Variants in ADGRB1 observed in about 807,000 individuals in gnomAD.
ADGRB1 encodes brain-specific angiogenesis inhibitor 1.
ADGRB1 carries 36 observed loss-of-function variants against 175.7 expected under a neutral mutation model. The ratio of observed to expected loss-of-function variants is 0.20; its 90% confidence interval spans 0.16 to 0.27. ADGRB1 has a LOEUF of 0.27. Ranked by LOEUF, ADGRB1 falls within the 10% of genes least tolerant of loss-of-function variation. The pLI is 1.00. For missense variants in ADGRB1, 1,731 were observed against 2,255.3 expected, an observed-to-expected ratio of 0.77 and a Z score of 4.71; for synonymous variants, 1,054 against 979.4, an observed-to-expected ratio of 1.08 and a Z score of -1.42.
intron 19 of ADGRB1, among the ~76,000 whole-genome samples, chr8:142,519,705 TTGGTGGTGC>T (rs1843657514): frequency 1.4e-5 from 2 of 138,176 alleles, no homozygotes; most frequent in East Asian, 2.2e-4. Flanking sequence ...TGTGATGGTG[TTGGTGGTGC>T]TGGTGCTGGT....
Position 142,486,898 on chromosome 8 carries a change from T to C in ADGRB1, c.2309-1466T>C, listed in dbSNP as rs565258840. Reference sequence around the variant, plus strand: ...TTAGCCAGGCATGGTGGTGCACCTTTAGTCCCTGCTACTAGGGAGGCTGAG... The same window carrying C: ...TTAGCCAGGCATGGTGGTGCACCTTCAGTCCCTGCTACTAGGGAGGCTGAG... On this transcript the variant is annotated intron_variant, in intron 13 of 30. Transcript: ENST00000517894. Among the ~76,000 whole-genome samples the C allele has an allele frequency of 2.0e-5, 3 of 152,234 alleles. No homozygotes were observed. In the South Asian group the frequency reaches 6.2e-4, roughly 32 times the overall value.
In ADGRB1 at chr8:142,510,856, C is replaced by T. The variant is rs1843062072; in HGVS notation, c.2676-76C>T. The T allele has an allele frequency of 1.2e-6, 1 of 834,484 alleles. No individual in the cohort carries two copies. The highest frequency in any genetic ancestry group is 1.4e-6 in the Non-Finnish European group (1 of 692,098). 51.7% of individuals were successfully genotyped at this position (834,484 alleles called of 1,614,324 possible). Reference sequence around the variant, plus strand: ...GGGGCCGGGGCGCGGAGCCGCCGCTCGGGGGCCGGGGCGCCCGCGTCCCCG... The same window carrying T: ...GGGGCCGGGGCGCGGAGCCGCCGCTTGGGGGCCGGGGCGCCCGCGTCCCCG... On this transcript the variant is annotated intron_variant, in intron 17 of 30. Coordinates refer to ENST00000517894, the MANE Select transcript of ADGRB1 (RefSeq NM_001702.3). This position sits in a 1 kb window ranked among gnomAD's most constrained non-coding sequence, Gnocchi z 6.3.
At chr8:142,517,419 G>A (rs1028449021) in intron 18 of ADGRB1, among the ~76,000 whole-genome samples, 10 of 152,238 alleles carry the variant, frequency 6.6e-5, no homozygotes, top group Admixed American at 3.9e-4. Flanking sequence ...GCCCTCCAGT[G>A]CGCTGATCAC....
In ADGRB1 at chr8:142,543,144, G is replaced by A. The variant is rs571676909; in HGVS notation, c.4414-259G>A. On this transcript the variant is annotated intron_variant, in intron 28 of 30. Coordinates refer to ENST00000517894, the MANE Select transcript of ADGRB1 (RefSeq NM_001702.3). This position sits in a 1 kb window ranked among gnomAD's most constrained non-coding sequence, Gnocchi z 4.4. ...CCCAGCCATGTGGCCCCAAGTTCAG[G>A]TCTCCTTGATCCTGGGGAGTGTGTC... 1.4e-4 allele frequency among the ~76,000 whole-genome samples: 22 copies of A among 152,260 alleles called. No homozygotes were observed. In the South Asian group the frequency reaches 4.6e-3, roughly 32 times the overall value.
At chr8:142,469,078 CCAT>C (rs1312219637) in intron 2 of ADGRB1, among the ~76,000 whole-genome samples, 4 of 152,266 alleles carry the variant, frequency 2.6e-5, no homozygotes, top group African/African-American at 9.6e-5. Context: ...CTTGACGCTG[CCAT>C]CGAGTGGTAA....
rs938923714 is a variant in ADGRB1, at chr8:142,484,079, A to C, written c.2199+34A>C. On this transcript the variant is annotated intron_variant, in intron 12 of 30. Coordinates refer to ENST00000517894, the MANE Select transcript of ADGRB1 (RefSeq NM_001702.3). ...TGGGGCCCCTACGGTCAGCAGCCTC[A>C]GGAGGGGTGCAGGCACAGCTGGTGC... is the stretch of plus-strand genomic sequence containing the variant. 4 of 1,589,734 alleles carry C rather than the reference A, an allele frequency of 2.5e-6. No homozygotes were observed. The African/African-American group carries it at 5.4e-5, about 22-fold the overall frequency.
chr8:142,542,715 T>C lies in ADGRB1; in HGVS notation c.4413+68T>C. The C allele has an allele frequency of 7.2e-7, 1 of 1,382,886 alleles. No individual in the cohort carries two copies. Among genetic ancestry groups the C allele is most frequent in the East Asian group, 2.8e-5 (1 of 36,290 alleles). The allele number at this position is 1,382,886 out of a possible 1,614,324, so 85.7% of individuals were successfully genotyped here. ...AGGGCTGCAGCAGCTGGGTCACCCC[T>C]GCTGGGTGGGACCCCCACGCCGTCA... On this transcript the variant is annotated intron_variant, in intron 28 of 30. Transcript: ENST00000517894. This position sits in a 1 kb window ranked among gnomAD's most constrained non-coding sequence, Gnocchi z 6.3.
chr8:142,495,547 C>T (rs1321225280), intron 17 of ADGRB1, among the ~76,000 whole-genome samples: 1 of 152,136 alleles, frequency 6.6e-6, no homozygotes, highest in Non-Finnish European at 1.5e-5. Context: ...GGCCATGCTC[C>T]TTCCAAAGGC....
chr8:142,488,054 A>T (rs1436379886), intron 13 of ADGRB1, among the ~76,000 whole-genome samples: 1 of 151,868 alleles, frequency 6.6e-6, no homozygotes, highest in Admixed American at 6.6e-5. Flanking sequence ...TCTGCCTTTG[A>T]CCACCTTCTG....
At chr8:142,526,513 C>CCCCCCCCCCCCCA in intron 23 of ADGRB1, 29 bp from the exon 24 acceptor site, 3 of 1,363,506 alleles carry the variant, frequency 2.2e-6, no homozygotes, top group Non-Finnish European at 3.1e-6. Context: ...GCCCCCACCC[C>CCCCCCCCCCCCCA]CACACCCCCA....
chr8:142,469,975 A>T (rs944413707), intron 2 of ADGRB1, among the ~76,000 whole-genome samples: 2 of 152,168 alleles, frequency 1.3e-5, no homozygotes, highest in African/African-American at 4.8e-5. Flanking sequence ...CCATCCGTCC[A>T]TGTCCCTAGC....
In ADGRB1 at chr8:142,539,494, C is replaced by T. The variant is rs1042160412; in HGVS notation, c.3706+81C>T. 1.5e-5 allele frequency: 22 copies of T among 1,502,804 alleles called. No homozygotes were observed. The East Asian group carries it at 3.6e-4, about 25-fold the overall frequency. 93.1% of individuals were successfully genotyped at this position (1,502,804 alleles called of 1,614,324 possible). A position where few individuals can be genotyped will look rare whatever the true frequency, so the allele number is the denominator to read the frequency against. ...CTCCACGCCTCCGCCTGTGCCTCCC[C>T]CACATCACCCATCCCTGTCCACTCC... On this transcript the variant is annotated intron_variant, in intron 27 of 30. Coordinates refer to ENST00000517894, the MANE Select transcript of ADGRB1 (RefSeq NM_001702.3).
chr8:142,508,783 T>G (rs1447881148), intron 17 of ADGRB1, among the ~76,000 whole-genome samples: 1 of 152,242 alleles, frequency 6.6e-6, no homozygotes, highest in African/African-American at 2.4e-5. Context: ...CGTGCCTCTG[T>G]GGCTTCCTTT....
intron 2 of ADGRB1, among the ~76,000 whole-genome samples, chr8:142,466,430 T>G (rs1840279598): frequency 6.6e-6 from 1 of 152,126 alleles, no homozygotes; most frequent in African/African-American, 2.4e-5. Context: ...TGAGTGGGGC[T>G]AGAGAGGGGC....
chr8:142,471,804 T>G (rs546412701), intron 2 of ADGRB1, among the ~76,000 whole-genome samples: 19 of 152,276 alleles, frequency 1.2e-4, no homozygotes, highest in African/African-American at 4.1e-4. Context: ...GCACCTCCAG[T>G]AGGAGCGGCT....
Position 142,464,484 on chromosome 8 carries a change from C to G in ADGRB1, c.286C>G (p.Pro96Ala). The G allele has an allele frequency of 6.3e-7, 1 of 1,582,348 alleles. No individual in the cohort carries two copies. Among genetic ancestry groups the G allele is most frequent in the Non-Finnish European group, 8.6e-7 (1 of 1,168,906 alleles). Reference protein sequence around the residue: ...VAKAPVPCSGPGRVRTYQFDS... With the variant: ...VAKAPVPCSGAGRVRTYQFDS... Reference sequence around the variant, plus strand: ...CAAGGCGCCCGTGCCCTGCAGCGGCCCCGGCCGCGTGCGCACCTACCAGTT... The same window carrying G: ...CAAGGCGCCCGTGCCCTGCAGCGGCGCCGGCCGCGTGCGCACCTACCAGTT... The change falls in exon 2 of 31, where the codon CCC becomes GCC. Residue 96 changes from proline to alanine, a missense_variant. Around this residue, in one of 8 missense-constraint regions of ADGRB1, gnomAD observed 383 missense variants for 383.1 expected, o/e 1.00. Coordinates refer to ENST00000517894, the MANE Select transcript of ADGRB1 (RefSeq NM_001702.3).
At chr8:142,470,055 G>GC (rs995518993) in intron 2 of ADGRB1, among the ~76,000 whole-genome samples, 7 of 152,252 alleles carry the variant, frequency 4.6e-5, no homozygotes, top group Admixed American at 3.9e-4. Context: ...TTTCAGCCCT[G>GC]CCCCCCGCAC....
At chr8:142,527,806 T>G (rs1358671586) in intron 24 of ADGRB1, among the ~76,000 whole-genome samples, 1 of 152,246 alleles carries the variant, frequency 6.6e-6, no homozygotes, top group African/African-American at 2.4e-5. Context: ...TTTTGTTTGC[T>G]TCTTAGAATA....
chr8:142,473,638 G>A (rs572165017), intron 2 of ADGRB1, among the ~76,000 whole-genome samples: 1 of 152,374 alleles, frequency 6.6e-6, no homozygotes, highest in African/African-American at 2.4e-5. Context: ...CGCTATGGAG[G>A]AGGCAGCTCA....
Sources: allele counts gnomAD v4.1 joint callset (sites outside exome capture counted in the v4.1 genomes callset), GRCh38; gene constraint gnomAD v4.1.1; regional missense constraint gnomAD v4.1.1; non-coding constraint Gnocchi (gnomAD v3.1); transcripts MANE v1.5; gene names NCBI Gene and HGNC (gene_info 2026-07-23, HGNC 2026-07-21).